TATDN1: variants seen among roughly 807,000 people sequenced by gnomAD.
TATDN1 encodes the protein deoxyribonuclease TATDN1.
A neutral mutation model predicts 46.4 loss-of-function variants in TATDN1; 40 were observed. The ratio of observed to expected loss-of-function variants is 0.86; its 90% CI spans 0.67 to 1.12. The LOEUF (loss-of-function observed/expected upper bound fraction) is 1.12. Ranked by LOEUF, TATDN1 falls within the 50% of genes most tolerant of loss-of-function variation. The pLI, the probability that TATDN1 is intolerant of heterozygous loss-of-function variation, is 0.00. For missense variants in TATDN1, 326 were observed against 348.4 expected, an observed-to-expected ratio of 0.94 and a Z score of 0.51; for synonymous variants, 95 against 105.6, an observed-to-expected ratio of 0.90 and a Z score of 0.62.
chr8:124,511,770 T>C (rs1381260486), intron 6 of TATDN1, among the ~76,000 whole-genome samples: 1 of 152,152 alleles, frequency 6.6e-6, no homozygotes, highest in Non-Finnish European at 1.5e-5. Flanking sequence ...CATCTTCCTT[T>C]AGGGTGGTAA....
rs147654380 is a variant in TATDN1 at position 124,510,395 on chromosome 8, C to A, written c.390-1707G>T. 2.0e-3 allele frequency among the ~76,000 whole-genome samples: 301 copies of A among 152,322 alleles called. 1 individual carries two copies. The highest frequency in any genetic ancestry group is 0.014 in the Middle Eastern group (4 of 294). ...ACTCTTCATTGTGTGCACTGCTCCA[C>A]GCTGTACTGGTTATTTTTTCCACAC... On this transcript the variant is annotated intron_variant, in intron 6 of 11. Transcript: ENST00000276692.
chr8:124,534,597 C>G (rs887655219), intron 1 of TATDN1, among the ~76,000 whole-genome samples: 2 of 152,186 alleles, frequency 1.3e-5, no homozygotes, highest in Admixed American at 1.3e-4. Flanking sequence ...GGATTACAGG[C>G]GTGAGGATTC....
At chr8:124,507,220 T>C (rs943501958) in intron 8 of TATDN1, among the ~76,000 whole-genome samples, 1 of 151,946 alleles carries the variant, frequency 6.6e-6, no homozygotes, top group South Asian at 2.1e-4. Flanking sequence ...ATAGTATTTA[T>C]GGGAAATGTC....
intron 1 of TATDN1, among the ~76,000 whole-genome samples, chr8:124,524,886 C>T (rs929913158): frequency 4.6e-5 from 7 of 152,066 alleles, no homozygotes; most frequent in African/African-American, 1.7e-4. Context: ...TCAGGATATT[C>T]TGCTTGAGGA....
intron 9 of TATDN1, among the ~76,000 whole-genome samples, chr8:124,502,424 T>C (rs1001996942): frequency 1.3e-5 from 2 of 151,176 alleles, no homozygotes; most frequent in African/African-American, 4.9e-5. Flanking sequence ...AGAAAAAAAA[T>C]TCATTTTCAA....
intron 1 of TATDN1, chr8:124,538,601 C>G (rs1436045235): frequency 4.2e-6 from 1 of 236,576 alleles, no homozygotes; most frequent in Non-Finnish European, 8.6e-6. Context: ...GAGGCGCTCA[C>G]TAACTATGAT....
chr8:124,505,687 C>T (rs1328085792), intron 8 of TATDN1, among the ~76,000 whole-genome samples: 1 of 151,834 alleles, frequency 6.6e-6, no homozygotes. Context: ...TCAAAAACAA[C>T]ATATAACAAC....
chr8:124,530,606 T>C (rs1038444635), intron 1 of TATDN1, among the ~76,000 whole-genome samples: 1 of 152,168 alleles, frequency 6.6e-6, no homozygotes, highest in African/African-American at 2.4e-5. Context: ...GGGACTGTCC[T>C]TAAGTAAGAG....
chr8:124,508,933 A>C (rs1420550950), intron 6 of TATDN1, among the ~76,000 whole-genome samples: 1 of 152,216 alleles, frequency 6.6e-6, no homozygotes, highest in Non-Finnish European at 1.5e-5. Context: ...TCAGAAAGTA[A>C]CACCACTGGC....
intron 1 of TATDN1, 55 bp from the exon 2 acceptor site, chr8:124,523,057 C>T: frequency 6.7e-7 from 1 of 1,498,178 alleles, no homozygotes. Context: ...GAAACTTGTA[C>T]TTAAATAAAA....
Position 124,515,750 on chromosome 8 carries a change from G to A in TATDN1, c.385C>T (p.Leu129Phe), listed in dbSNP as rs1375728160. The change falls in exon 6 of 12, where the codon CTC becomes TTC. Residue 129 changes from leucine to phenylalanine, a missense_variant. Physicochemically the swap from Leu to Phe is conservative, Grantham distance 22. Coordinates refer to ENST00000276692, the MANE Select transcript of TATDN1 (RefSeq NM_032026.4). ...RLQFCPKDTQLKYFEKQFELS... is the reference protein window; with the variant it reads ...RLQFCPKDTQFKYFEKQFELS... ...AAAGCCAACAAATTTCCTTACTTGAGTTGAGTATCTTTGGGACAAAACTGC... is the reference window on the plus strand; with the variant it reads ...AAAGCCAACAAATTTCCTTACTTGAATTGAGTATCTTTGGGACAAAACTGC... The A allele has an allele frequency of 4.3e-6, 7 of 1,612,754 alleles. No homozygotes were observed. In the African/African-American group the frequency reaches 9.3e-5, roughly 22 times the overall value.
chr8:124,502,613 G>C (rs180703056), intron 9 of TATDN1, among the ~76,000 whole-genome samples: 6 of 152,264 alleles, frequency 3.9e-5, no homozygotes, highest in African/African-American at 1.4e-4. Flanking sequence ...AGGAATACAT[G>C]GGATCTAAAA....
chr8:124,525,669 T>A (rs929855180), intron 1 of TATDN1, among the ~76,000 whole-genome samples: 1 of 152,212 alleles, frequency 6.6e-6, no homozygotes, highest in Non-Finnish European at 1.5e-5. Flanking sequence ...ACACTGTTAT[T>A]ACAAACACTG....
intron 9 of TATDN1, among the ~76,000 whole-genome samples, chr8:124,500,128 C>A (rs991461094): frequency 6.6e-6 from 1 of 152,076 alleles, no homozygotes; most frequent in African/African-American, 2.4e-5. Context: ...CAGGCGTGAG[C>A]CACAATGCCT....
intron 1 of TATDN1, among the ~76,000 whole-genome samples, chr8:124,527,148 T>C (rs1820571005): frequency 6.6e-6 from 1 of 152,230 alleles, no homozygotes; most frequent in African/African-American, 2.4e-5. Context: ...CTAAATGGGC[T>C]GGCTAACGTA....
intron 3 of TATDN1, among the ~76,000 whole-genome samples, chr8:124,520,266 G>A (rs574806504): frequency 3.9e-5 from 6 of 151,970 alleles, no homozygotes; most frequent in East Asian, 1.9e-4. Flanking sequence ...GCGAAACCCC[G>A]TCTCTACTGA....
At chr8:124,512,323 G>A (rs1244611071) in intron 6 of TATDN1, among the ~76,000 whole-genome samples, 33 of 152,164 alleles carry the variant, frequency 2.2e-4, no homozygotes, top group Admixed American at 2.2e-3. Flanking sequence ...TACTTGGGAG[G>A]CTGAGGCAGG....
At chr8:124,508,387 T>C (rs1818695569) in intron 8 of TATDN1, 87 bp downstream of exon 8, 1 of 1,153,634 alleles carries the variant, frequency 8.7e-7, no homozygotes, top group Non-Finnish European at 1.3e-6. Flanking sequence ...AAGGTTCAGA[T>C]TTTGGAGCAT....
intron 1 of TATDN1, among the ~76,000 whole-genome samples, chr8:124,533,096 C>T (rs1231912564): frequency 6.6e-6 from 1 of 151,964 alleles, no homozygotes; most frequent in Non-Finnish European, 1.5e-5. Context: ...ACTAAAAATA[C>T]AAAACATTAG....
Sources: gnomAD v4.1 joint callset for allele counts (sites outside exome capture counted in the v4.1 genomes callset) on GRCh38, gnomAD v4.1.1 for gene constraint, MANE v1.5 for transcripts, NCBI Gene and HGNC (gene_info 2026-07-23, HGNC 2026-07-21) for gene names.